The following MYCT1 variants were observed in gnomAD, a reference collection of about 807,000 sequenced individuals.
MYCT1 encodes MYC target 1.
In MYCT1, 12 loss-of-function variants were observed where a neutral mutation model predicts 15.0. The observed-to-expected ratio is 0.80, with a 90% CI of 0.51 to 1.29. The LOEUF is 1.29. MYCT1 is among the 50% of genes most tolerant of loss of function. The pLI is 0.00. For missense variants in MYCT1, 287 were observed against 279.1 expected (o/e 1.03, Z -0.20); for synonymous variants, 104 against 102.7 (o/e 1.01, Z -0.07).
chr6:152,701,762 T>C (rs961585791), intron 1 of MYCT1, among the ~76,000 whole-genome samples: 25 of 152,188 alleles, frequency 1.6e-4, no homozygotes, highest in Non-Finnish European at 2.5e-4. Context: ...ATGATCTGTG[T>C]AATATTAGCT....
At chr6:152,716,628 T>G (rs2099723735) in intron 1 of MYCT1, among the ~76,000 whole-genome samples, 2 of 152,162 alleles carry the variant, frequency 1.3e-5, no homozygotes, top group South Asian at 4.1e-4. Flanking sequence ...TGGCTGTTAT[T>G]ATCAGGCCAA....
the MYCT1 span, among the ~76,000 whole-genome samples, chr6:152,735,044 G>A: frequency 2.3e-3 from 352 of 152,218 alleles, 2 homozygotes; most frequent in African/African-American, 8.2e-3. Context: ...CTGAAAGAAG[G>A]TTTCTAAAAA....
At chr6:152,735,811 G>A in the MYCT1 span, among the ~76,000 whole-genome samples, 8 of 152,110 alleles carry the variant, frequency 5.3e-5, no homozygotes, top group Middle Eastern at 6.8e-3. Flanking sequence ...ATGAGATCAG[G>A]CACACTCAGG....
At chr6:152,736,317 A>G in the MYCT1 span, among the ~76,000 whole-genome samples, 2 of 152,192 alleles carry the variant, frequency 1.3e-5, no homozygotes, top group Admixed American at 1.3e-4. Flanking sequence ...CTTAGGATAA[A>G]TACAGCAAGG....
Position 152,724,044 on chromosome 6 carries a change from C to T in MYCT1, c.*1791C>T, listed in dbSNP as rs1423943289. 2.6e-5 allele frequency: 4 copies of T among 151,928 alleles called. No individual in the cohort carries two copies. The South Asian group carries it at 6.3e-4, about 24-fold the overall frequency. 9.4% of individuals were successfully genotyped at this position (151,928 alleles called of 1,614,324 possible). A position where few individuals can be genotyped will look rare whatever the true frequency, so the allele number is the denominator to read the frequency against. On this transcript the variant is annotated 3_prime_UTR_variant, in exon 2 of 2. Coordinates refer to ENST00000367245, the MANE Select transcript of MYCT1 (RefSeq NM_025107.3). ...TTAAGGACAATTATTCTTAATAATG[C>T]TTATAGAAAATGTTCTCTAATTAAA...
chr6:152,709,203 G>A (rs1209856351), intron 1 of MYCT1, among the ~76,000 whole-genome samples: 25 of 25,096 alleles, frequency 1.0e-3, no homozygotes, highest in African/African-American at 2.6e-3. Flanking sequence ...CATTTTTTAT[G>A]GCTGCATAGT....
rs2099725251 is a variant in MYCT1, at chr6:152,724,386, A to G, written c.*2133A>G. On this transcript the variant is annotated 3_prime_UTR_variant, in exon 2 of 2. Transcript: ENST00000367245. ...GAGAAGAGCAGAAATCCTCTGGGGC[A>G]TTTAACCATCTGGCAGAATTGTTGC... is the stretch of plus-strand genomic sequence containing the variant. 2 of 152,202 alleles carry G rather than the reference A, an allele frequency of 1.3e-5. No homozygotes were observed. Among genetic ancestry groups the G allele is most frequent in the South Asian group, 4.1e-4 (2 of 4,832 alleles). The allele number at this position is 152,202 out of a possible 1,614,324, so 9.4% of individuals were successfully genotyped here. A position where few individuals can be genotyped will look rare whatever the true frequency, so the allele number is the denominator to read the frequency against.
downstream of MYCT1, among the ~76,000 whole-genome samples, chr6:152,728,158 T>A (rs1421252933): frequency 2.9e-5 from 4 of 136,092 alleles, no homozygotes; most frequent in Non-Finnish European, 6.7e-5. Flanking sequence ...AGTGAGCCTC[T>A]GTCTGGAAAA....
intron 1 of MYCT1, among the ~76,000 whole-genome samples, chr6:152,714,890 G>C (rs2099723371): frequency 6.6e-6 from 1 of 151,728 alleles, no homozygotes; most frequent in South Asian, 2.1e-4. Context: ...GGCAGTTAGG[G>C]GAAGATCACC....
the MYCT1 span, among the ~76,000 whole-genome samples, chr6:152,746,442 T>G: frequency 6.6e-6 from 1 of 150,984 alleles, no homozygotes; most frequent in East Asian, 1.9e-4. Context: ...GATTTCATCA[T>G]GCTATTTGGA....
chr6:152,713,345 T>G (rs1428095562), intron 1 of MYCT1, among the ~76,000 whole-genome samples: 1 of 152,130 alleles, frequency 6.6e-6, no homozygotes, highest in Admixed American at 6.6e-5. Context: ...ATGAGTTGCT[T>G]TAAAATTTTT....
chr6:152,701,813 C>T (rs917216876), intron 1 of MYCT1, among the ~76,000 whole-genome samples: 7 of 152,184 alleles, frequency 4.6e-5, no homozygotes, highest in Admixed American at 1.3e-4. Context: ...CTCTGGTCTA[C>T]TGGCCCTTAT....
chr6:152,738,625 T>C, the MYCT1 span, among the ~76,000 whole-genome samples: 44 of 152,238 alleles, frequency 2.9e-4, no homozygotes, highest in African/African-American at 9.4e-4. Flanking sequence ...TAATGCTTAC[T>C]TCATAGAGTT....
At position 152,721,910 on chromosome 6, in the gene MYCT1, G is replaced by A. The variant is rs2099724780; in HGVS notation, c.365G>A (p.Arg122Lys). The change falls in exon 2 of 2, where the codon AGA becomes AAA. Residue 122 changes from arginine to lysine, a missense_variant. Arg to Lys is a conservative substitution (Grantham distance 26, BLOSUM62 2). Coordinates refer to ENST00000367245, the MANE Select transcript of MYCT1 (RefSeq NM_025107.3). ...TCTTCTTACACCCACGGCCTCAACA[G>A]AACTGGATTTTACCGCCACAGTGGC... ...SRSSYTHGLN[R>K]TGFYRHSGCE... 1 of 1,613,978 alleles carries A rather than the reference G, an allele frequency of 6.2e-7. No homozygotes were observed. The highest frequency in any genetic ancestry group is 8.5e-7 in the Non-Finnish European group (1 of 1,180,002).
At chr6:152,700,099 T>G (rs2099721064) in intron 1 of MYCT1, among the ~76,000 whole-genome samples, 1 of 152,094 alleles carries the variant, frequency 6.6e-6, no homozygotes, top group African/African-American at 2.4e-5. Flanking sequence ...GGTAAAAATA[T>G]GAAGTATAAA....
chr6:152,731,810 C>T, the MYCT1 span, among the ~76,000 whole-genome samples: 95 of 150,046 alleles, frequency 6.3e-4, no homozygotes, highest in African/African-American at 2.2e-3. Flanking sequence ...TGCAGTGGCG[C>T]GATATCAGCT....
chr6:152,731,748 ATTTTTT>A, the MYCT1 span, among the ~76,000 whole-genome samples: 1 of 140,440 alleles, frequency 7.1e-6, no homozygotes, highest in African/African-American at 2.6e-5. Context: ...AGAGAACGCC[ATTTTTT>A]TTTTTTTTTT....
At chr6:152,731,337 T>A in the MYCT1 span, among the ~76,000 whole-genome samples, 2 of 152,206 alleles carry the variant, frequency 1.3e-5, no homozygotes, top group African/African-American at 4.8e-5. Flanking sequence ...TCTAATAGAT[T>A]GTACATGGTA....
intron 1 of MYCT1, among the ~76,000 whole-genome samples, chr6:152,699,341 C>T (rs1040307113): frequency 6.6e-6 from 1 of 151,976 alleles, no homozygotes; most frequent in Non-Finnish European, 1.5e-5. Flanking sequence ...TTCTTTTTTT[C>T]TCACCTACAT....
Sources: allele counts gnomAD v4.1 joint callset (sites outside exome capture counted in the v4.1 genomes callset), GRCh38; gene constraint gnomAD v4.1.1; transcripts MANE v1.5; gene names NCBI Gene and HGNC (gene_info 2026-07-23, HGNC 2026-07-21).